The following AGMO variants were observed in gnomAD, a reference collection of about 807,000 sequenced individuals.
The protein encoded by AGMO is glyceryl-ether monooxygenase.
Under a neutral mutation model 60.2 loss-of-function variants are expected in AGMO, and 75 were observed. The ratio of observed to expected loss-of-function variants is 1.25; its 90% CI spans 1.03 to 1.51. The LOEUF (loss-of-function observed/expected upper bound fraction) is 1.51, where lower values mean the gene tolerates loss of function less well. Ranked by LOEUF, AGMO falls within the 40% of genes most tolerant of loss-of-function variation. The probability of loss-of-function intolerance (pLI) is 0.00; values close to 1 mark genes in which losing one functional copy is unlikely to be tolerated. For missense variants in AGMO, 763 were observed against 525.5 expected (o/e 1.45, Z -4.42); for synonymous variants, 261 against 177.1 (o/e 1.47, Z -3.76).
chr7:15,454,357 C>CCACACACACACA lies in AGMO; in HGVS notation c.410-23261_410-23250dup, dbSNP rs71004380. 7.1e-3 allele frequency among the ~76,000 whole-genome samples: 1,064 copies of CCACACACACACA among 149,214 alleles called. 14 individuals carry two copies. The highest frequency in any genetic ancestry group is 0.024 in the African/African-American group (989 of 40,650). On this transcript the variant is annotated intron_variant, in intron 3 of 12. Coordinates refer to ENST00000342526, the MANE Select transcript of AGMO (RefSeq NM_001004320.2). ...AAAGAACAGATCTTAAGTGTTCTCACCACACACACACACACACACACAAAC... is the reference window on the plus strand; with the variant it reads ...AAAGAACAGATCTTAAGTGTTCTCACCACACACACACACACACACACACACACACACACAAAC...
chr7:15,330,314 G>A (rs1371365416), intron 12 of AGMO, among the ~76,000 whole-genome samples: 1 of 151,956 alleles, frequency 6.6e-6, no homozygotes, highest in East Asian at 1.9e-4. Context: ...TTATGTATGG[G>A]GCAGGAATAA....
chr7:15,265,414 G>A (rs1053097514), intron 12 of AGMO, among the ~76,000 whole-genome samples: 5 of 151,656 alleles, frequency 3.3e-5, no homozygotes, highest in Admixed American at 6.6e-5. Flanking sequence ...TAACAAACCT[G>A]CACATGTACC....
At chr7:15,193,050 T>C in the AGMO span, among the ~76,000 whole-genome samples, 1 of 152,232 alleles carries the variant, frequency 6.6e-6, no homozygotes, top group African/African-American at 2.4e-5. Flanking sequence ...GTTTCTAATA[T>C]GGTGTTATTA....
At chr7:15,234,826 T>G (rs1353731786) in intron 12 of AGMO, among the ~76,000 whole-genome samples, 1 of 152,208 alleles carries the variant, frequency 6.6e-6, no homozygotes, top group Admixed American at 6.5e-5. Flanking sequence ...CTTTTGACTT[T>G]TATTCTACAA....
At chr7:15,358,394 TAAG>T in intron 12 of AGMO, 3 of 471,238 alleles carry the variant, frequency 6.4e-6, no homozygotes, top group Non-Finnish European at 1.3e-5. Context: ...GAAAGGATAA[TAAG>T]AAGGCATAAT....
intron 5 of AGMO, chr7:15,396,170 G>C (rs1469051646): frequency 6.6e-6 from 1 of 152,374 alleles, no homozygotes; most frequent in East Asian, 1.9e-4. Context: ...TGTCAATTTA[G>C]CCCTCCCTCG....
chr7:15,541,964 T>C (rs982433017), intron 3 of AGMO, among the ~76,000 whole-genome samples: 5 of 152,180 alleles, frequency 3.3e-5, no homozygotes, highest in African/African-American at 1.2e-4. Context: ...TTTCTTACTA[T>C]ATTTTAAGAT....
intron 2 of AGMO, among the ~76,000 whole-genome samples, chr7:15,551,731 T>C (rs1259659788): frequency 6.1e-4 from 93 of 151,334 alleles, no homozygotes; most frequent in African/African-American, 2.2e-3. Flanking sequence ...ATCGTGAAAA[T>C]GGCCATACTG....
intron 5 of AGMO, among the ~76,000 whole-genome samples, chr7:15,399,215 G>T (rs571444003): frequency 6.6e-6 from 1 of 152,138 alleles, no homozygotes; most frequent in African/African-American, 2.4e-5. Context: ...GGCCATGAAG[G>T]GGTTCAGAAA....
intron 12 of AGMO, among the ~76,000 whole-genome samples, chr7:15,267,215 T>C (rs1783458254): frequency 6.6e-6 from 1 of 151,758 alleles, no homozygotes; most frequent in South Asian, 2.1e-4. Flanking sequence ...ATTATTTTCT[T>C]GCTTTAAAAG....
intron 12 of AGMO, among the ~76,000 whole-genome samples, chr7:15,313,198 T>A (rs1306395678): frequency 1.3e-5 from 2 of 152,178 alleles, no homozygotes; most frequent in Non-Finnish European, 2.9e-5. Context: ...TAAAGGCATG[T>A]TTCTCACTGA....
chr7:15,493,362 C>CACACACACA (rs71004386), intron 3 of AGMO, among the ~76,000 whole-genome samples: 4 of 102,264 alleles, frequency 3.9e-5, no homozygotes, highest in African/African-American at 1.6e-4. Flanking sequence ...CACACACACA[C>CACACACACA]TTCTTTTTTT....
intron 10 of AGMO, among the ~76,000 whole-genome samples, chr7:15,381,225 C>G (rs1583482701): frequency 6.6e-6 from 1 of 152,082 alleles, no homozygotes; most frequent in Non-Finnish European, 1.5e-5. Context: ...AAGGAACTAT[C>G]AACAGAGTGA....
intron 3 of AGMO, among the ~76,000 whole-genome samples, chr7:15,540,867 T>C (rs1230112424): frequency 1.3e-5 from 2 of 152,190 alleles, no homozygotes; most frequent in African/African-American, 4.8e-5. Flanking sequence ...AGAAAATGTA[T>C]AAATTTTAAG....
At position 15,272,180 on chromosome 7, in the gene AGMO, C is replaced by T. The variant is rs182824187; in HGVS notation, c.1264-70821G>A. Among the ~76,000 whole-genome samples, 451 of 151,502 alleles carry T rather than the reference C, an allele frequency of 3.0e-3. 2 individuals are homozygous for T. The highest frequency in any genetic ancestry group is 6.8e-3 in the Middle Eastern group (2 of 294). On this transcript the variant is annotated intron_variant, in intron 12 of 12. Transcript: ENST00000342526. Reference sequence around the variant, plus strand: ...TAAGTTCTAGGGTAAATGTGCACAACGTGGTTTGTTACATATGTATACATG... The same window carrying T: ...TAAGTTCTAGGGTAAATGTGCACAATGTGGTTTGTTACATATGTATACATG...
chr7:15,447,670 C>T (rs780922063), intron 3 of AGMO, among the ~76,000 whole-genome samples: 1 of 152,094 alleles, frequency 6.6e-6, no homozygotes, highest in Non-Finnish European at 1.5e-5. Context: ...CCTGCCTGAG[C>T]CTCGCAGGTA....
intron 5 of AGMO, among the ~76,000 whole-genome samples, chr7:15,404,685 A>G (rs1163116121): frequency 6.6e-6 from 1 of 151,834 alleles, no homozygotes; most frequent in Non-Finnish European, 1.5e-5. Flanking sequence ...TCCAATCCAC[A>G]GTCTTATGGT....
intron 3 of AGMO, among the ~76,000 whole-genome samples, chr7:15,464,992 GCTAAGTCCATGTTC>G (rs1195172347): frequency 6.6e-6 from 1 of 152,146 alleles, no homozygotes; most frequent in East Asian, 1.9e-4. Context: ...CTCGACACTT[GCTAAGTCCATGTTC>G]CCACGTGTCA....
chr7:15,338,932 G>T (rs955093200), intron 12 of AGMO, among the ~76,000 whole-genome samples: 4 of 152,182 alleles, frequency 2.6e-5, no homozygotes, highest in African/African-American at 9.7e-5. Context: ...TGGTTGGCAA[G>T]TGGGGAGCAG....
Sources: allele counts gnomAD v4.1 joint callset (sites outside exome capture counted in the v4.1 genomes callset), GRCh38; gene constraint gnomAD v4.1.1; transcripts MANE v1.5; gene names NCBI Gene and HGNC (gene_info 2026-07-23, HGNC 2026-07-21).